NEGR1: variants seen among roughly 807,000 people sequenced by gnomAD.
NEGR1 encodes neuronal growth regulator 1, also known as IgLON family member 4.
In NEGR1, 10 loss-of-function variants were observed where a neutral mutation model predicts 40.9. That is an observed-to-expected ratio of 0.24 (90% CI 0.15 to 0.42). NEGR1 has a LOEUF of 0.42. Among genes scored for constraint, NEGR1 ranks in the 10% least tolerant of loss-of-function variants. NEGR1 has a pLI of 1.00. For synonymous variants in NEGR1, 185 were observed against 166.8 expected (o/e 1.11, Z -0.84); for missense variants, 352 against 438.9 (o/e 0.80, Z 1.77).
chr1:72,139,769 T>A (rs1650603564), intron 1 of NEGR1, among the ~76,000 whole-genome samples: 1 of 151,960 alleles, frequency 6.6e-6, no homozygotes, highest in Non-Finnish European at 1.5e-5. Flanking sequence ...TAGGGAAGCA[T>A]TTGAGGATGA....
At chr1:71,828,867 A>C (rs1658736677) in intron 2 of NEGR1, among the ~76,000 whole-genome samples, 1 of 151,994 alleles carries the variant, frequency 6.6e-6, no homozygotes. Flanking sequence ...ATCAATGCAC[A>C]ATGAACACTA....
At chr1:71,927,007 C>CA (rs746458584) in intron 2 of NEGR1, among the ~76,000 whole-genome samples, 17 of 151,852 alleles carry the variant, frequency 1.1e-4, no homozygotes, top group Admixed American at 6.6e-4. Context: ...ATATTTAGAA[C>CA]AAAAAAATGT....
At chr1:72,247,912 T>C (rs1163656976) in intron 1 of NEGR1, among the ~76,000 whole-genome samples, 1 of 152,056 alleles carries the variant, frequency 6.6e-6, no homozygotes, top group Non-Finnish European at 1.5e-5. Context: ...CAACATCCGC[T>C]TGGATTCTGG....
chr1:72,177,204 G>A (rs1316676465), intron 1 of NEGR1, among the ~76,000 whole-genome samples: 3 of 151,984 alleles, frequency 2.0e-5, no homozygotes, highest in Non-Finnish European at 4.4e-5. Flanking sequence ...AGAAACTGAG[G>A]CAAGAAGAAG....
chr1:71,727,093 T>A (rs1050568672), intron 3 of NEGR1, among the ~76,000 whole-genome samples: 5 of 152,184 alleles, frequency 3.3e-5, no homozygotes, highest in Non-Finnish European at 7.4e-5. Flanking sequence ...TTATCAATAA[T>A]CAATAGCTCC....
chr1:71,969,023 T>A, intron 1 of NEGR1, among the ~76,000 whole-genome samples: 1 of 151,492 alleles, frequency 6.6e-6, no homozygotes, highest in East Asian at 1.9e-4. Flanking sequence ...TTGTTTTTGT[T>A]TTTTTTTTGA....
intron 1 of NEGR1, among the ~76,000 whole-genome samples, chr1:72,000,483 T>C (rs1646547584): frequency 6.6e-6 from 1 of 152,142 alleles, no homozygotes; most frequent in African/African-American, 2.4e-5. Flanking sequence ...AATGCTATAC[T>C]CTTTACCAAA....
intron 1 of NEGR1, among the ~76,000 whole-genome samples, chr1:71,990,919 T>TATATA (rs142869765): frequency 1.1e-4 from 9 of 85,080 alleles, no homozygotes; most frequent in African/African-American, 3.7e-4. Context: ...TATATATATA[T>TATATA]TTTTTTTTTA....
intron 2 of NEGR1, among the ~76,000 whole-genome samples, chr1:71,922,761 A>C (rs971368181): frequency 6.6e-6 from 1 of 152,206 alleles, no homozygotes; most frequent in East Asian, 1.9e-4. Context: ...TGAGTTGGAC[A>C]CTTCAAGAAA....
chr1:71,688,133 C>T (rs141478749), intron 4 of NEGR1, among the ~76,000 whole-genome samples: 1 of 151,040 alleles, frequency 6.6e-6, no homozygotes, highest in East Asian at 1.9e-4. Context: ...CTCATGCTCT[C>T]ACTTTATATT....
At chr1:71,572,606 C>T (rs983009684) in intron 6 of NEGR1, among the ~76,000 whole-genome samples, 1 of 152,174 alleles carries the variant, frequency 6.6e-6, no homozygotes, top group South Asian at 2.1e-4. Flanking sequence ...GCCATGTACG[C>T]GTGAGGTCTG....
At chr1:71,815,134 T>C (rs1323158419) in intron 2 of NEGR1, among the ~76,000 whole-genome samples, 1 of 152,138 alleles carries the variant, frequency 6.6e-6, no homozygotes, top group Non-Finnish European at 1.5e-5. Flanking sequence ...TCAAAGAACT[T>C]ATTGATTTCT....
intron 6 of NEGR1, among the ~76,000 whole-genome samples, chr1:71,457,830 T>G (rs1192065732): frequency 6.6e-6 from 1 of 152,102 alleles, no homozygotes; most frequent in East Asian, 1.9e-4. Flanking sequence ...GCCTCCTGAG[T>G]AGCTGGGATT....
intron 6 of NEGR1, among the ~76,000 whole-genome samples, chr1:71,470,773 A>G (rs542333776): frequency 1.3e-4 from 20 of 152,282 alleles, no homozygotes; most frequent in African/African-American, 4.8e-4. Flanking sequence ...TGCGAGAAGG[A>G]TCTGCTTCTG....
At chr1:71,877,374 G>A (rs1484216780) in intron 2 of NEGR1, among the ~76,000 whole-genome samples, 1 of 152,074 alleles carries the variant, frequency 6.6e-6, no homozygotes, top group East Asian at 1.9e-4. Flanking sequence ...TCTGAAGGGT[G>A]GAAGTCTGAG....
chr1:72,027,376 T>A (rs1253410610), intron 1 of NEGR1, among the ~76,000 whole-genome samples: 1 of 152,140 alleles, frequency 6.6e-6, no homozygotes, highest in Non-Finnish European at 1.5e-5. Context: ...AGATTTTTCT[T>A]ACTTACAAAG....
chr1:71,640,473 G>T (rs1268391009), intron 4 of NEGR1, among the ~76,000 whole-genome samples: 1 of 152,034 alleles, frequency 6.6e-6, no homozygotes, highest in Admixed American at 6.6e-5. Context: ...CAATATCCTG[G>T]TATCTGTGAA....
At chr1:71,784,336 G>A (rs1656835270) in intron 2 of NEGR1, among the ~76,000 whole-genome samples, 1 of 151,650 alleles carries the variant, frequency 6.6e-6, no homozygotes, top group South Asian at 2.1e-4. Flanking sequence ...TGCACTCTAA[G>A]TAGAAAGGCT....
intron 6 of NEGR1, among the ~76,000 whole-genome samples, chr1:71,578,607 A>C (rs1649035070): frequency 6.6e-6 from 1 of 152,146 alleles, no homozygotes; most frequent in South Asian, 2.1e-4. Flanking sequence ...CTTTACTCAG[A>C]GATGAAAGAT....
Sources: gnomAD v4.1 joint callset for allele counts (sites outside exome capture counted in the v4.1 genomes callset) on GRCh38, gnomAD v4.1.1 for gene constraint, MANE v1.5 for transcripts, NCBI Gene and HGNC (gene_info 2026-07-23, HGNC 2026-07-21) for gene names.